Variants in VPS13A observed in about 807,000 individuals in gnomAD.
VPS13A encodes vacuolar protein sorting 13 homolog A.
VPS13A carries 264 observed loss-of-function variants against 390.9 expected under a neutral mutation model. The ratio of observed to expected loss-of-function variants is 0.68; its 90% confidence interval spans 0.61 to 0.75. The LOEUF (loss-of-function observed/expected upper bound fraction) is 0.75, where lower values mean the gene tolerates loss of function less well. Among genes scored for constraint, VPS13A ranks in the 30% least tolerant of loss-of-function variants. VPS13A has a pLI of 0.00. For missense variants in VPS13A, 3,409 were observed against 3,733.9 expected, an observed-to-expected ratio of 0.91 and a Z score of 2.27; for synonymous variants, 1,231 against 1,227.1, an observed-to-expected ratio of 1.00 and a Z score of -0.07.
intron 45 of VPS13A, among the ~76,000 whole-genome samples, chr9:77,325,440 GC>G (rs1829966656): frequency 6.8e-6 from 1 of 147,870 alleles, no homozygotes; most frequent in African/African-American, 2.5e-5. Context: ...GAAAATCTGT[GC>G]CTTTTAACAG....
At chr9:77,250,025 T>C in intron 20 of VPS13A, 72 bp from the exon 21 acceptor site, 1 of 1,541,984 alleles carries the variant, frequency 6.5e-7, no homozygotes, top group South Asian at 1.2e-5. Context: ...TTTATAAGTC[T>C]AAAAATTAAA....
Position 77,382,097 on chromosome 9 carries a change from G to A in VPS13A, c.9189+10G>A, listed in dbSNP as rs920041947. ...AAATCAAATGTTACAGGTAAATTAA[G>A]AGCTATCTTATAAATTAAGATTAAT... is the stretch of plus-strand genomic sequence containing the variant. On this transcript the variant is annotated intron_variant, in intron 68 of 71. Coordinates refer to ENST00000360280, the MANE Select transcript of VPS13A (RefSeq NM_033305.3). 9 of 1,590,298 alleles carry A rather than the reference G, an allele frequency of 5.7e-6. No homozygotes were observed. Among genetic ancestry groups the A allele is most frequent in the Admixed American group, 1.7e-5 (1 of 59,234 alleles).
chr9:77,399,482 T>C (rs1339470158), intron 68 of VPS13A, among the ~76,000 whole-genome samples: 5 of 152,134 alleles, frequency 3.3e-5, no homozygotes, highest in South Asian at 4.2e-4. Flanking sequence ...TAGCATAATA[T>C]GGAAATAAAA....
intron 68 of VPS13A, among the ~76,000 whole-genome samples, chr9:77,399,181 T>TAAAAAAAAA (rs1223344360): frequency 1.9e-3 from 66 of 34,906 alleles, no homozygotes; most frequent in Non-Finnish European, 2.7e-3. Context: ...AAAAAAAAAA[T>TAAAAAAAAA]AAAAAAAAAA....
At chr9:77,390,933 A>G (rs979867276) in intron 68 of VPS13A, among the ~76,000 whole-genome samples, 1 of 152,178 alleles carries the variant, frequency 6.6e-6, no homozygotes, top group African/African-American at 2.4e-5. Context: ...TTAAATTTGT[A>G]AATATATTAA....
chr9:77,343,386 T>C (rs1231664782), intron 50 of VPS13A, among the ~76,000 whole-genome samples: 1 of 152,216 alleles, frequency 6.6e-6, no homozygotes, highest in Non-Finnish European at 1.5e-5. Flanking sequence ...TGCTACATTG[T>C]CCTCAAGTCA....
At chr9:77,218,534 C>T (rs1822993069) in intron 10 of VPS13A, among the ~76,000 whole-genome samples, 1 of 151,930 alleles carries the variant, frequency 6.6e-6, no homozygotes, top group Non-Finnish European at 1.5e-5. Flanking sequence ...TCCCATTCTA[C>T]AGTTTGATAT....
intron 68 of VPS13A, among the ~76,000 whole-genome samples, chr9:77,399,167 T>TAATAAAAAAAAA (rs1834246185): frequency 7.0e-5 from 6 of 86,060 alleles, no homozygotes; most frequent in Admixed American, 1.2e-4. Flanking sequence ...TAGAGTATAA[T>TAATAAAAAAAAA]AAAAAAAAAA....
intron 25 of VPS13A, 38 bp downstream of exon 25, chr9:77,275,690 T>G: frequency 6.3e-7 from 1 of 1,595,818 alleles, no homozygotes; most frequent in Non-Finnish European, 8.6e-7. Flanking sequence ...CTTAATTTGT[T>G]TGCTGTTTCT....
chr9:77,177,555 C>T lies in VPS13A; in HGVS notation c.-150C>T, dbSNP rs560445300. On this transcript the variant is annotated 5_prime_UTR_variant, in exon 1 of 72. Transcript: ENST00000360280. ...GACCGCCTCCGTCTCTCGCTGGGCT[C>T]GCTAGGGCTGCGCGTTGGGCCAGCG... 32 of 712,450 alleles carry T rather than the reference C, an allele frequency of 4.5e-5. No homozygotes were observed. In the East Asian group the frequency reaches 6.1e-4, roughly 14 times the overall value. The allele number at this position is 712,450 out of a possible 1,614,324, so 44.1% of individuals were successfully genotyped here. A position where few individuals can be genotyped will look rare whatever the true frequency, so the allele number is the denominator to read the frequency against.
At chr9:77,256,026 CG>C (rs982713163) in intron 22 of VPS13A, among the ~76,000 whole-genome samples, 5 of 150,844 alleles carry the variant, frequency 3.3e-5, no homozygotes, top group Admixed American at 2.0e-4. Flanking sequence ...TTTTTTATTT[CG>C]GGTAGCTTTA....
At chr9:77,266,892 A>G (rs556619798) in intron 23 of VPS13A, among the ~76,000 whole-genome samples, 172 of 151,922 alleles carry the variant, frequency 1.1e-3, no homozygotes, top group Non-Finnish European at 1.9e-3. Flanking sequence ...TCTTGTCTTC[A>G]TGCTTTATTT....
chr9:77,384,946 T>TG, intron 68 of VPS13A: 18 of 1,215,476 alleles, frequency 1.5e-5, no homozygotes, highest in Non-Finnish European at 1.9e-5. Context: ...TAGTTTGTCT[T>TG]TAAGAGTTCA....
intron 35 of VPS13A, among the ~76,000 whole-genome samples, chr9:77,311,568 T>C (rs1442676005): frequency 6.6e-6 from 1 of 151,980 alleles, no homozygotes; most frequent in Non-Finnish European, 1.5e-5. Flanking sequence ...ATAACAGAAC[T>C]TTAAAATATA....
At chr9:77,275,741 C>T in intron 25 of VPS13A, 89 bp downstream of exon 25, 1 of 1,409,362 alleles carries the variant, frequency 7.1e-7, no homozygotes, top group East Asian at 2.3e-5. Flanking sequence ...TTAAGAAGCA[C>T]TATCTTTTTC....
intron 1 of VPS13A, among the ~76,000 whole-genome samples, chr9:77,190,305 G>C (rs1392790532): frequency 6.6e-6 from 1 of 152,132 alleles, no homozygotes; most frequent in Non-Finnish European, 1.5e-5. Context: ...TAACATGAAG[G>C]GATGTTGAAT....
intron 13 of VPS13A, among the ~76,000 whole-genome samples, chr9:77,224,705 A>G (rs1024392275): frequency 6.6e-6 from 1 of 152,356 alleles, no homozygotes; most frequent in South Asian, 2.1e-4. Context: ...AGATGAGAAC[A>G]TTGTTGAAAT....
In VPS13A at chr9:77,238,194, A is replaced by G; in HGVS notation, c.1785+3A>G. On this transcript the variant is annotated splice_donor_region_variant and intron_variant, in intron 18 of 71. Transcript: ENST00000360280. ...CTTTAGAAATCATATATGATGCAGTAAGCATTTTTTTAAATTACTAAGTTT... is the reference window on the plus strand; with the variant it reads ...CTTTAGAAATCATATATGATGCAGTGAGCATTTTTTTAAATTACTAAGTTT... 1 of 1,612,544 alleles carries G rather than the reference A, an allele frequency of 6.2e-7. No homozygotes were observed. Among genetic ancestry groups the G allele is most frequent in the Non-Finnish European group, 8.5e-7 (1 of 1,178,778 alleles).
At chr9:77,217,544 C>T (rs991717153) in intron 10 of VPS13A, among the ~76,000 whole-genome samples, 5 of 152,180 alleles carry the variant, frequency 3.3e-5, no homozygotes, top group African/African-American at 1.2e-4. Flanking sequence ...CTCCCACTTA[C>T]AAGTGAGAAC....
Sources: allele counts gnomAD v4.1 joint callset (sites outside exome capture counted in the v4.1 genomes callset), GRCh38; gene constraint gnomAD v4.1.1; transcripts MANE v1.5; gene names NCBI Gene and HGNC (gene_info 2026-07-23, HGNC 2026-07-21).